Variants in EEA1 observed in about 807,000 individuals in gnomAD.
EEA1 encodes the protein early endosome antigen 1.
A neutral mutation model predicts 209.2 loss-of-function variants in EEA1; 111 were observed. The ratio of observed to expected loss-of-function variants is 0.53; its 90% CI spans 0.45 to 0.62. The LOEUF is 0.62. Among genes scored for constraint, EEA1 ranks in the 20% least tolerant of loss-of-function variants. EEA1 has a pLI of 0.00. For missense variants in EEA1, 1,343 were observed against 1,530.8 expected (o/e 0.88, Z 2.05); for synonymous variants, 536 against 540.6 (o/e 0.99, Z 0.12).
At chr12:92,881,561 C>T (rs1194969156) in intron 2 of EEA1, among the ~76,000 whole-genome samples, 3 of 152,142 alleles carry the variant, frequency 2.0e-5, no homozygotes, top group African/African-American at 7.2e-5. Flanking sequence ...ACAAGAAAGA[C>T]TGCGTTATTA....
intron 24 of EEA1, among the ~76,000 whole-genome samples, chr12:92,779,785 C>A (rs1451113867): frequency 1.3e-5 from 2 of 152,008 alleles, no homozygotes; most frequent in African/African-American, 4.8e-5. Context: ...AAGAATCTAA[C>A]CTTTTTTTAA....
At chr12:92,900,818 G>A (rs1379473755) in intron 1 of EEA1, among the ~76,000 whole-genome samples, 5 of 151,926 alleles carry the variant, frequency 3.3e-5, no homozygotes, top group East Asian at 1.9e-4. Flanking sequence ...ACAGGTGCCC[G>A]CCACCACGTC....
chr12:92,839,444 CT>C (rs1464758888), intron 10 of EEA1, among the ~76,000 whole-genome samples: 1 of 152,074 alleles, frequency 6.6e-6, no homozygotes, highest in Admixed American at 6.5e-5. Flanking sequence ...TAAAATATTC[CT>C]TCCTTTTCCA....
At chr12:92,849,042 G>A (rs1877502066) in intron 9 of EEA1, among the ~76,000 whole-genome samples, 1 of 152,020 alleles carries the variant, frequency 6.6e-6, no homozygotes, top group Non-Finnish European at 1.5e-5. Flanking sequence ...TTAAATGCAA[G>A]TAAACATGTA....
intron 9 of EEA1, among the ~76,000 whole-genome samples, chr12:92,843,598 G>A (rs975746686): frequency 6.6e-6 from 1 of 152,054 alleles, no homozygotes; most frequent in Non-Finnish European, 1.5e-5. Flanking sequence ...CCATTACAGA[G>A]AAAGACGAAG....
chr12:92,853,115 A>T, intron 6 of EEA1, 90 bp from the exon 7 acceptor site: 1 of 842,838 alleles, frequency 1.2e-6, no homozygotes, highest in East Asian at 2.7e-5. Flanking sequence ...TGTAAAGATG[A>T]TCAACTTAAG....
intron 2 of EEA1, among the ~76,000 whole-genome samples, chr12:92,874,506 C>G (rs896464659): frequency 6.6e-6 from 1 of 152,216 alleles, no homozygotes; most frequent in Admixed American, 6.5e-5. Context: ...GCTGGGATTA[C>G]AGGCGCTTGC....
At chr12:92,800,612 A>G (rs1341533167) in intron 20 of EEA1, among the ~76,000 whole-genome samples, 3 of 152,232 alleles carry the variant, frequency 2.0e-5, no homozygotes, top group Non-Finnish European at 4.4e-5. Flanking sequence ...GATATAACCA[A>G]TGATAAAATA....
chr12:92,882,519 AG>A (rs1879195288), intron 2 of EEA1, among the ~76,000 whole-genome samples: 1 of 152,054 alleles, frequency 6.6e-6, no homozygotes, highest in South Asian at 2.1e-4. Context: ...CTTGTCACCC[AG>A]GTACTAAGTA....
chr12:92,925,581 G>C (rs879679133), intron 1 of EEA1, among the ~76,000 whole-genome samples: 2 of 152,142 alleles, frequency 1.3e-5, no homozygotes, highest in African/African-American at 2.4e-5. Context: ...GGTACTAAAC[G>C]TTGATTAAAT....
chr12:92,813,003 T>C lies in EEA1; in HGVS notation c.2020A>G (p.Asn674Asp). ...DLQNHLDTAQ[N>D]ALQDKQQELN... is the part of the protein sequence containing the mutation. ...ACCTGCTGTTTATCTTGTAATGCATTTTGAGCTGTGTCCAAATGATTCTGA... is the reference window on the plus strand; with the variant it reads ...ACCTGCTGTTTATCTTGTAATGCATCTTGAGCTGTGTCCAAATGATTCTGA... Residue 674 changes from asparagine to aspartate, a missense_variant, in exon 16 of 29, where the codon AAT becomes GAT. Physicochemically the swap from Asn to Asp is conservative, Grantham distance 23. Coordinates refer to ENST00000322349, the MANE Select transcript of EEA1 (RefSeq NM_003566.4). 6.3e-7 allele frequency: 1 copy of C among 1,591,178 alleles called. No individual in the cohort carries two copies.
chr12:92,871,206 AAGAC>A (rs1166178897), intron 2 of EEA1, among the ~76,000 whole-genome samples: 1 of 152,198 alleles, frequency 6.6e-6, no homozygotes, highest in Non-Finnish European at 1.5e-5. Context: ...AATTCACAAA[AAGAC>A]AGCTGCAAAC....
intron 1 of EEA1, among the ~76,000 whole-genome samples, chr12:92,920,877 A>G (rs986313063): frequency 6.6e-6 from 1 of 151,162 alleles, no homozygotes; most frequent in Non-Finnish European, 1.5e-5. Flanking sequence ...TCCAGAATCT[A>G]CAATGAACTC....
intron 1 of EEA1, among the ~76,000 whole-genome samples, chr12:92,916,344 A>C (rs967902217): frequency 6.6e-6 from 1 of 151,972 alleles, no homozygotes; most frequent in Non-Finnish European, 1.5e-5. Flanking sequence ...GCTCAAAATC[A>C]TGGACTGTGA....
At chr12:92,839,944 C>T (rs1042082848) in intron 10 of EEA1, among the ~76,000 whole-genome samples, 1 of 152,144 alleles carries the variant, frequency 6.6e-6, no homozygotes, top group Admixed American at 6.5e-5. Flanking sequence ...AGTGGCTTAA[C>T]TGGGTGATTT....
At chr12:92,819,228 A>T in intron 14 of EEA1, 80 bp downstream of exon 14, 1 of 1,237,924 alleles carries the variant, frequency 8.1e-7, no homozygotes, top group Non-Finnish European at 1.1e-6. Context: ...AAGAATGAAG[A>T]ATCATTTAAA....
At chr12:92,927,528 T>A (rs182737182) in intron 1 of EEA1, among the ~76,000 whole-genome samples, 19 of 152,328 alleles carry the variant, frequency 1.2e-4, no homozygotes, top group African/African-American at 4.3e-4. Context: ...ATCCCATATT[T>A]CTGAAAACCA....
At chr12:92,821,272 T>A (rs374292043) in intron 13 of EEA1, among the ~76,000 whole-genome samples, 17 of 152,208 alleles carry the variant, frequency 1.1e-4, no homozygotes, top group Admixed American at 7.2e-4. Context: ...ACTATCCTAC[T>A]GTATGACCAC....
At chr12:92,777,766 A>G in intron 26 of EEA1, 103 bp from the exon 27 acceptor site, 1 of 1,310,278 alleles carries the variant, frequency 7.6e-7, no homozygotes, top group Non-Finnish European at 1.0e-6. Context: ...AATATATGAT[A>G]CATTAATTTT....
Sources: gnomAD v4.1 joint callset for allele counts (sites outside exome capture counted in the v4.1 genomes callset) on GRCh38, gnomAD v4.1.1 for gene constraint, MANE v1.5 for transcripts, NCBI Gene and HGNC (gene_info 2026-07-23, HGNC 2026-07-21) for gene names.